Variants in RIMS4 observed in about 807,000 individuals in gnomAD.
RIMS4 encodes regulating synaptic membrane exocytosis protein 4.
A neutral mutation model predicts 29.0 loss-of-function variants in RIMS4; 9 were observed. The observed-to-expected ratio is 0.31, with a 90% CI of 0.19 to 0.54. RIMS4 has a LOEUF of 0.54. Ranked by LOEUF, RIMS4 falls within the 20% of genes least tolerant of loss-of-function variation. The probability of loss-of-function intolerance (pLI) is 0.94; values close to 1 mark genes in which losing one functional copy is unlikely to be tolerated. For synonymous variants in RIMS4, 130 were observed against 152.9 expected (o/e 0.85, Z 1.10); for missense variants, 193 against 365.7 (o/e 0.53, Z 3.85).
At chr20:44,763,622 C>G (rs1326922663) in intron 2 of RIMS4, among the ~76,000 whole-genome samples, 1 of 152,198 alleles carries the variant, frequency 6.6e-6, no homozygotes. Context: ...GTTCTGCTGG[C>G]CTTTTATTTT....
chr20:44,793,265 T>C (rs537745568), intron 1 of RIMS4, among the ~76,000 whole-genome samples: 24 of 152,300 alleles, frequency 1.6e-4, no homozygotes, highest in African/African-American at 5.1e-4. Context: ...TTATTCTAAA[T>C]ATGTAAAAGT....
At chr20:44,797,163 C>T (rs1601043451) in intron 1 of RIMS4, among the ~76,000 whole-genome samples, 4 of 152,318 alleles carry the variant, frequency 2.6e-5, no homozygotes, top group East Asian at 3.9e-4. Context: ...AACTAAAGCG[C>T]GTGTTCTACC....
At chr20:44,800,201 T>C (rs1405345235) in intron 1 of RIMS4, among the ~76,000 whole-genome samples, 4 of 152,130 alleles carry the variant, frequency 2.6e-5, no homozygotes, top group African/African-American at 9.7e-5. Flanking sequence ...CCATAAGTGC[T>C]TAATAAGAAT....
chr20:44,771,450 G>A (rs752703917), intron 1 of RIMS4, 37 bp from the exon 2 acceptor site: 4 of 1,589,468 alleles, frequency 2.5e-6, no homozygotes, highest in African/African-American at 1.3e-5. Context: ...TGGGAAGAGA[G>A]ACACAGGTGG....
intron 1 of RIMS4, among the ~76,000 whole-genome samples, chr20:44,794,384 C>A (rs560384539): frequency 3.8e-4 from 58 of 152,302 alleles, no homozygotes; most frequent in African/African-American, 1.3e-3. Context: ...CAATTCCTGA[C>A]CAGGGTTGAG....
intron 1 of RIMS4, among the ~76,000 whole-genome samples, chr20:44,791,816 G>A (rs1023353841): frequency 6.6e-6 from 1 of 152,214 alleles, no homozygotes; most frequent in African/African-American, 2.4e-5. Flanking sequence ...AGAGGCCCCA[G>A]AGGCCTGACG....
Position 44,753,158 on chromosome 20 carries a change from T to A in RIMS4, c.*2976A>T, listed in dbSNP as rs1032766879. The A allele has an allele frequency of 6.5e-6, 1 of 152,780 alleles. No homozygotes were observed. Among genetic ancestry groups the A allele is most frequent in the Non-Finnish European group, 1.5e-5 (1 of 68,128 alleles). 9.5% of individuals were successfully genotyped at this position (152,780 alleles called of 1,614,324 possible). A position where few individuals can be genotyped will look rare whatever the true frequency, so the allele number is the denominator to read the frequency against. ...GTCACTTCCTGTTTCTGGGCCTCAG[T>A]TTCCCAACCTCTCAGATGGGCTACA... is the stretch of plus-strand genomic sequence containing the variant. On this transcript the variant is annotated 3_prime_UTR_variant, in exon 6 of 6. Coordinates refer to ENST00000372851, the MANE Select transcript of RIMS4 (RefSeq NM_182970.4).
At chr20:44,801,007 C>T (rs764749609) in intron 1 of RIMS4, among the ~76,000 whole-genome samples, 4 of 152,212 alleles carry the variant, frequency 2.6e-5, no homozygotes, top group Non-Finnish European at 5.9e-5. Context: ...GCTTCCATAG[C>T]TTGGATGTCT....
intron 4 of RIMS4, 30 bp from the exon 5 acceptor site, chr20:44,757,067 C>G (rs2066063936): frequency 1.2e-6 from 2 of 1,605,326 alleles, no homozygotes; most frequent in Admixed American, 1.7e-5. Flanking sequence ...GGGGTGAGTT[C>G]TAGTTTGGCC....
chr20:44,797,608 G>C (rs2066260439), intron 1 of RIMS4, among the ~76,000 whole-genome samples: 2 of 152,334 alleles, frequency 1.3e-5, no homozygotes, highest in East Asian at 1.9e-4. Flanking sequence ...GCAGTTTCAG[G>C]TGGTTTGCCC....
At chr20:44,776,339 C>A (rs1327737537) in intron 1 of RIMS4, among the ~76,000 whole-genome samples, 1 of 152,154 alleles carries the variant, frequency 6.6e-6, no homozygotes, top group East Asian at 1.9e-4. Flanking sequence ...AGTTTTTGCA[C>A]CCAGGCATCC....
At chr20:44,765,853 G>A (rs546030515) in intron 2 of RIMS4, among the ~76,000 whole-genome samples, 1 of 152,348 alleles carries the variant, frequency 6.6e-6, no homozygotes, top group Admixed American at 6.5e-5. Flanking sequence ...GAGCCAGCCT[G>A]GAGCGCTTCT....
intron 1 of RIMS4, among the ~76,000 whole-genome samples, chr20:44,791,257 A>G (rs1399051906): frequency 6.6e-6 from 1 of 152,268 alleles, no homozygotes; most frequent in Non-Finnish European, 1.5e-5. Context: ...AATTTGAGAC[A>G]TTTTAATTTT....
intron 1 of RIMS4, among the ~76,000 whole-genome samples, chr20:44,793,956 C>CT (rs1210990888): frequency 6.6e-6 from 1 of 152,178 alleles, no homozygotes; most frequent in Non-Finnish European, 1.5e-5. Context: ...GTAGTCCCAG[C>CT]TTTTTGGGAC....
rs2066055471 is a variant in RIMS4 at position 44,755,516 on chromosome 20, C to T, written c.*618G>A. The T allele has an allele frequency of 6.5e-6, 1 of 153,158 alleles. No homozygotes were observed. The highest frequency in any genetic ancestry group is 2.4e-5 in the African/African-American group (1 of 41,452). The allele number at this position is 153,158 out of a possible 1,614,324, so 9.5% of individuals were successfully genotyped here. A position where few individuals can be genotyped will look rare whatever the true frequency, so the allele number is the denominator to read the frequency against. On this transcript the variant is annotated 3_prime_UTR_variant, in exon 6 of 6. Transcript: ENST00000372851. ...TGCTGAACCCCAATTCCTAGAGCCA[C>T]CAGAAGAGGGGCAGGCAGGAGGGGA...
chr20:44,760,585 C>G (rs1292717493), intron 2 of RIMS4, among the ~76,000 whole-genome samples: 2 of 152,210 alleles, frequency 1.3e-5, no homozygotes, highest in African/African-American at 4.8e-5. Context: ...ACCACACACT[C>G]TGTCCCCAGT....
At position 44,775,762 on chromosome 20, in the gene RIMS4, G is replaced by A. The variant is rs187807982; in HGVS notation, c.98-4349C>T. Among the ~76,000 whole-genome samples the A allele has an allele frequency of 5.3e-5, 8 of 152,284 alleles. No homozygotes were observed. The East Asian group carries it at 1.5e-3, about 29-fold the overall frequency. On this transcript the variant is annotated intron_variant, in intron 1 of 5. Transcript: ENST00000372851. Reference sequence around the variant, plus strand: ...GGGACACCTGACCTAAGACAGGCTGGCACCCTAAGCAAGTAAAAGTTCAAA... The same window carrying A: ...GGGACACCTGACCTAAGACAGGCTGACACCCTAAGCAAGTAAAAGTTCAAA...
At chr20:44,782,318 G>A (rs1374992642) in intron 1 of RIMS4, among the ~76,000 whole-genome samples, 1 of 152,218 alleles carries the variant, frequency 6.6e-6, no homozygotes, top group Non-Finnish European at 1.5e-5. Context: ...CTATACTGGA[G>A]TGCAGTGGCA....
intron 1 of RIMS4, among the ~76,000 whole-genome samples, chr20:44,803,056 C>T (rs73907575): frequency 0.053 from 7,997 of 152,220 alleles, 666 homozygotes; most frequent in African/African-American, 0.18. Flanking sequence ...AGCCCATCAT[C>T]GTTCCATTTT....
Sources: gnomAD v4.1 joint callset for allele counts (sites outside exome capture counted in the v4.1 genomes callset) on GRCh38, gnomAD v4.1.1 for gene constraint, MANE v1.5 for transcripts, NCBI Gene and HGNC (gene_info 2026-07-23, HGNC 2026-07-21) for gene names.